Variants in ABCD2 observed in about 807,000 individuals in gnomAD.
ABCD2 encodes ATP-binding cassette sub-family D member 2.
A neutral mutation model predicts 70.9 loss-of-function variants in ABCD2; 36 were observed. That is an observed-to-expected ratio of 0.51 (90% CI 0.39 to 0.67). The LOEUF is 0.67. Among genes scored for constraint, ABCD2 ranks in the 30% least tolerant of loss-of-function variants. ABCD2 has a pLI of 0.00. For synonymous variants in ABCD2, 304 were observed against 306.9 expected (o/e 0.99, Z 0.10); for missense variants, 729 against 890.2 (o/e 0.82, Z 2.30).
intron 3 of ABCD2, among the ~76,000 whole-genome samples, chr12:39,607,014 T>C (rs1003653861): frequency 6.6e-6 from 1 of 152,110 alleles, no homozygotes; most frequent in Non-Finnish European, 1.5e-5. Context: ...TACACTGAGA[T>C]GGACACAAAA....
At chr12:39,545,181 T>C (rs1486702277), downstream of ABCD2, among the ~76,000 whole-genome samples, 1 of 152,232 alleles carries the variant, frequency 6.6e-6, no homozygotes, top group African/African-American at 2.4e-5. Context: ...TTGGCCTGAT[T>C]ATTTGCATGA....
chr12:39,604,738 T>C (rs1414150024), intron 4 of ABCD2, 24 bp downstream of exon 4: 1 of 1,515,006 alleles, frequency 6.6e-7, no homozygotes, highest in Non-Finnish European at 8.8e-7. Context: ...TATAGGAAAA[T>C]ATAAAAGCAC....
intron 9 of ABCD2, among the ~76,000 whole-genome samples, chr12:39,569,314 G>C (rs1010166032): frequency 6.6e-6 from 1 of 152,244 alleles, no homozygotes; most frequent in Non-Finnish European, 1.5e-5. Context: ...ACCTACTGAA[G>C]CCTTGGCAAT....
intron 9 of ABCD2, among the ~76,000 whole-genome samples, chr12:39,557,687 GC>G (rs2120532434): frequency 6.6e-6 from 1 of 152,248 alleles, no homozygotes; most frequent in South Asian, 2.1e-4. Context: ...AGGACTTGGT[GC>G]CCTATGTCCC....
chr12:39,617,082 CA>C lies in ABCD2; in HGVS notation c.1025del (p.Met342ArgfsTer2). On this transcript the variant is annotated frameshift_variant, in exon 2 of 10. Transcript: ENST00000308666. LOFTEE classifies it high-confidence loss of function. The stretch of plus-strand genomic sequence containing the variant: ...CATACTTCATCAGGAACTGTTCTAT[CA>C]TGATGTACCACAAACGTTTGGATAA... ...LILSKRLWYI[M>X]IEQFLMKYVW... The C allele has an allele frequency of 6.2e-7, 1 of 1,613,208 alleles. No individual in the cohort carries two copies. Among genetic ancestry groups the C allele is most frequent in the East Asian group, 2.2e-5 (1 of 44,822 alleles).
intron 6 of ABCD2, among the ~76,000 whole-genome samples, chr12:39,595,604 C>G (rs1941805420): frequency 6.6e-6 from 1 of 152,086 alleles, no homozygotes; most frequent in East Asian, 1.9e-4. Context: ...CTTTATTTAT[C>G]AAGTAGTATT....
At chr12:39,607,858 T>C in intron 2 of ABCD2, 144 bp from the exon 3 acceptor site, 1 of 646,896 alleles carries the variant, frequency 1.5e-6, no homozygotes, top group Non-Finnish European at 2.7e-6. Context: ...TCTAGAAATA[T>C]AATGAATCAT....
At chr12:39,545,620 C>G (rs1026140099), downstream of ABCD2, among the ~76,000 whole-genome samples, 2 of 152,084 alleles carry the variant, frequency 1.3e-5, no homozygotes. Context: ...CTAACAGGCT[C>G]TATTATTGGT....
downstream of ABCD2, among the ~76,000 whole-genome samples, chr12:39,545,404 C>T (rs879572777): frequency 2.3e-4 from 35 of 152,150 alleles, no homozygotes; most frequent in Middle Eastern, 3.4e-3. Context: ...GCGATTCTCC[C>T]GCCTCACAAC....
intron 3 of ABCD2, among the ~76,000 whole-genome samples, chr12:39,606,760 G>A (rs114477862): frequency 2.1e-3 from 317 of 152,302 alleles, no homozygotes; most frequent in African/African-American, 7.3e-3. Context: ...AACTGGTAGT[G>A]AGAATAATTT....
At chr12:39,555,617 ATGT>A in intron 9 of ABCD2, among the ~76,000 whole-genome samples, 1 of 152,138 alleles carries the variant, frequency 6.6e-6, no homozygotes, top group Non-Finnish European at 1.5e-5. Flanking sequence ...AAAGAGAGGG[ATGT>A]AAGCATAAGA....
chr12:39,534,066 A>T, the ABCD2 span, among the ~76,000 whole-genome samples: 1 of 152,106 alleles, frequency 6.6e-6, no homozygotes, highest in African/African-American at 2.4e-5. Context: ...CACCCATTTT[A>T]AGCTAATGCA....
chr12:39,615,317 T>C (rs1408418301), intron 2 of ABCD2, among the ~76,000 whole-genome samples: 1 of 152,026 alleles, frequency 6.6e-6, no homozygotes, highest in Non-Finnish European at 1.5e-5. Flanking sequence ...ATGAGTATCG[T>C]TATTTTAAGA....
intron 9 of ABCD2, among the ~76,000 whole-genome samples, chr12:39,568,208 TC>T (rs1941388211): frequency 6.6e-6 from 1 of 152,228 alleles, no homozygotes; most frequent in African/African-American, 2.4e-5. Flanking sequence ...CTGGATAATA[TC>T]CTGCAGAGTG....
At chr12:39,614,757 T>C (rs1290819762) in intron 2 of ABCD2, among the ~76,000 whole-genome samples, 1 of 152,158 alleles carries the variant, frequency 6.6e-6, no homozygotes, top group African/African-American at 2.4e-5. Flanking sequence ...TTTCATGTGT[T>C]AAGTCTTTGT....
chr12:39,609,927 C>T lies in ABCD2; in HGVS notation c.1121-2213G>A, dbSNP rs73096570. On this transcript the variant is annotated intron_variant, in intron 2 of 9. Transcript: ENST00000308666. ...TTTCAGATTTTTTTTCCTGAGAGAGCTTACAGCTTGGTAGAAGAGAGATGT... is the reference window on the plus strand; with the variant it reads ...TTTCAGATTTTTTTTCCTGAGAGAGTTTACAGCTTGGTAGAAGAGAGATGT... 3.9e-3 allele frequency among the ~76,000 whole-genome samples: 594 copies of T among 152,158 alleles called. 4 individuals carry two copies. Among genetic ancestry groups the T allele is most frequent in the African/African-American group, 0.011 (465 of 41,506 alleles).
At chr12:39,549,620 G>C (rs993750957), downstream of ABCD2, among the ~76,000 whole-genome samples, 1 of 151,772 alleles carries the variant, frequency 6.6e-6, no homozygotes, top group Admixed American at 6.6e-5. Flanking sequence ...TGTAACATAA[G>C]TTCCCTTTTT....
intron 6 of ABCD2, among the ~76,000 whole-genome samples, chr12:39,591,688 G>C (rs909375377): frequency 2.0e-5 from 3 of 152,064 alleles, no homozygotes; most frequent in Non-Finnish European, 4.4e-5. Context: ...CTCCAGCCTG[G>C]GCAATAGAGT....
intron 4 of ABCD2, 28 bp downstream of exon 4, chr12:39,604,734 A>G: frequency 6.7e-7 from 1 of 1,500,638 alleles, no homozygotes; most frequent in Non-Finnish European, 8.9e-7. Context: ...TAAATATAGG[A>G]AAATATAAAA....
Sources: allele counts gnomAD v4.1 joint callset (sites outside exome capture counted in the v4.1 genomes callset), GRCh38; gene constraint gnomAD v4.1.1; transcripts MANE v1.5; gene names NCBI Gene and HGNC (gene_info 2026-07-23, HGNC 2026-07-21).